PDE4D: variants seen among roughly 807,000 people sequenced by gnomAD.
PDE4D encodes the protein 3',5'-cyclic-AMP phosphodiesterase 4D.
Under a neutral mutation model 87.4 loss-of-function variants are expected in PDE4D, and 24 were observed. The observed-to-expected ratio is 0.27, with a 90% CI of 0.20 to 0.39. The LOEUF is 0.39. PDE4D is among the 10% of genes least tolerant of loss of function. The pLI is 1.00. For missense variants in PDE4D, 714 were observed against 1,041.0 expected, an observed-to-expected ratio of 0.69 and a Z score of 4.32; for synonymous variants, 384 against 383.2, an observed-to-expected ratio of 1.00 and a Z score of -0.02.
intron 1 of PDE4D, among the ~76,000 whole-genome samples, chr5:59,397,931 C>T (rs1299686511): frequency 8.3e-6 from 1 of 120,614 alleles, no homozygotes; most frequent in African/African-American, 3.3e-5. Context: ...TACAAACTAC[C>T]ATCAGAGAAT....
At chr5:60,315,450 G>C (rs1367093795) in intron 1 of PDE4D, among the ~76,000 whole-genome samples, 2 of 152,154 alleles carry the variant, frequency 1.3e-5, no homozygotes, top group African/African-American at 4.8e-5. Context: ...TGTTGACTCT[G>C]ATGGTAGTTT....
At position 59,356,945 on chromosome 5, in the gene PDE4D, T is replaced by C. The variant is rs1781476859; in HGVS notation, c.456-140977A>G. ...CCCCGCACGGAGCAGGAGGCACTTGTAGCTGAGTGAGGGCATTTCCTTTGT... is the reference window on the plus strand; with the variant it reads ...CCCCGCACGGAGCAGGAGGCACTTGCAGCTGAGTGAGGGCATTTCCTTTGT... On this transcript the variant is annotated intron_variant, in intron 1 of 14. Transcript: ENST00000340635. The C allele has an allele frequency of 3.6e-6, 5 of 1,381,362 alleles. No homozygotes were observed. In the South Asian group the frequency reaches 5.3e-5, roughly 15 times the overall value. 85.6% of individuals were successfully genotyped at this position (1,381,362 alleles called of 1,614,324 possible). A position where few individuals can be genotyped will look rare whatever the true frequency, so the allele number is the denominator to read the frequency against.
chr5:59,938,224 T>C (rs530217609), intron 3 of PDE4D, among the ~76,000 whole-genome samples: 1 of 152,286 alleles, frequency 6.6e-6, no homozygotes, highest in East Asian at 1.9e-4. Flanking sequence ...ATACCATCCT[T>C]CACTTTGTAT....
At chr5:60,401,955 TAAA>T (rs1741129385) in intron 1 of PDE4D, among the ~76,000 whole-genome samples, 6 of 152,204 alleles carry the variant, frequency 3.9e-5, no homozygotes, top group Admixed American at 2.6e-4. Flanking sequence ...CAATAAAATC[TAAA>T]TGTGAATACC....
In PDE4D at chr5:60,115,365, C is replaced by T. The variant is rs189905341; in HGVS notation, c.42+70192G>A. Among the ~76,000 whole-genome samples the T allele has an allele frequency of 2.6e-5, 4 of 152,134 alleles. No individual in the cohort carries two copies. In the East Asian group the frequency reaches 7.7e-4, roughly 29 times the overall value. Reference sequence around the variant, plus strand: ...ATGAGGTCTCTGAGTGAATCTGACACAGAAACACCTTCAGGGTGTCATGAA... The same window carrying T: ...ATGAGGTCTCTGAGTGAATCTGACATAGAAACACCTTCAGGGTGTCATGAA... On this transcript the variant is annotated intron_variant, in intron 2 of 16. Transcript: ENST00000502484.
intron 6 of PDE4D, among the ~76,000 whole-genome samples, chr5:59,036,899 A>C (rs1322816091): frequency 1.3e-5 from 2 of 152,176 alleles, no homozygotes; most frequent in African/African-American, 4.8e-5. Flanking sequence ...TTTTGAAAAA[A>C]TTATCTTCTC....
intron 5 of PDE4D, among the ~76,000 whole-genome samples, chr5:59,144,115 C>CT (rs1402389376): frequency 6.6e-6 from 1 of 152,174 alleles, no homozygotes; most frequent in African/African-American, 2.4e-5. Flanking sequence ...GGAGCAACAT[C>CT]TTTTATGACT....
At chr5:59,687,919 C>A (rs1750191419) in intron 1 of PDE4D, among the ~76,000 whole-genome samples, 2 of 152,114 alleles carry the variant, frequency 1.3e-5, no homozygotes, top group African/African-American at 4.8e-5. Context: ...GGTTGCAATC[C>A]TAGTCTCTGA....
intron 1 of PDE4D, among the ~76,000 whole-genome samples, chr5:59,319,354 CT>C (rs1477435722): frequency 1.3e-5 from 2 of 152,060 alleles, no homozygotes; most frequent in African/African-American, 4.8e-5. Flanking sequence ...TGGTATAATA[CT>C]TTTAAAGCAA....
chr5:59,093,640 T>C (rs1228256985), intron 5 of PDE4D, among the ~76,000 whole-genome samples: 13 of 152,210 alleles, frequency 8.5e-5, no homozygotes, highest in Admixed American at 8.5e-4. Context: ...TGACGAGCCC[T>C]ATCCATGATC....
At chr5:59,690,041 C>T (rs1365676111) in intron 1 of PDE4D, among the ~76,000 whole-genome samples, 1 of 152,124 alleles carries the variant, frequency 6.6e-6, no homozygotes, top group African/African-American at 2.4e-5. Context: ...AGGAGAATTA[C>T]AAACCACTGC....
Position 60,383,255 on chromosome 5 carries a change from C to T in PDE4D, c.-90+104687G>A, listed in dbSNP as rs541025036. Among the ~76,000 whole-genome samples, 24 of 152,168 alleles carry T rather than the reference C, an allele frequency of 1.6e-4. 1 individual carries two copies. Among genetic ancestry groups the T allele is most frequent in the African/African-American group, 5.8e-4 (24 of 41,528 alleles). On this transcript the variant is annotated intron_variant, in intron 1 of 16. Transcript: ENST00000502484. ...AAACAGGGCAAAAAAATGAAAAACA[C>T]TTGGAATTTTTCCAACCATAAGTAT...
intron 1 of PDE4D, among the ~76,000 whole-genome samples, chr5:60,196,138 G>T (rs182538675): frequency 6.6e-6 from 1 of 151,610 alleles, no homozygotes; most frequent in East Asian, 1.9e-4. Flanking sequence ...ATATCATTTG[G>T]CTCCCCAAAT....
At chr5:59,249,640 T>A (rs1759532020) in intron 1 of PDE4D, among the ~76,000 whole-genome samples, 1 of 152,014 alleles carries the variant, frequency 6.6e-6, no homozygotes, top group African/African-American at 2.4e-5. Context: ...TAATGTTAAG[T>A]GATATGGAAA....
chr5:59,335,053 T>C (rs1777429745), intron 1 of PDE4D, among the ~76,000 whole-genome samples: 1 of 152,168 alleles, frequency 6.6e-6, no homozygotes, highest in Non-Finnish European at 1.5e-5. Flanking sequence ...GGTTCTCTCC[T>C]TTCCTGGGAT....
chr5:60,221,609 A>C (rs6882437), intron 1 of PDE4D, among the ~76,000 whole-genome samples: 81,117 of 151,900 alleles, frequency 0.53, 22,375 homozygotes, highest in African/African-American at 0.65. Context: ...CACTCCCAGT[A>C]AATCTGCCTA....
intron 1 of PDE4D, among the ~76,000 whole-genome samples, chr5:59,352,708 G>C (rs1465516104): frequency 6.6e-6 from 1 of 152,042 alleles, no homozygotes; most frequent in Admixed American, 6.6e-5. Context: ...CTTCTTGTTT[G>C]GGCAAATATT....
rs1397731011 is a variant in PDE4D at position 59,732,665 on chromosome 5, T to C, written c.455+160503A>G. The stretch of plus-strand genomic sequence containing the variant: ...CCTTATTAAATGGAAATGATCAGTA[T>C]GAGCTTTCAGATTTAGGCAAGACAG... On this transcript the variant is annotated intron_variant, in intron 1 of 14. Transcript: ENST00000340635. Among the ~76,000 whole-genome samples, 3 of 152,202 alleles carry C rather than the reference T, an allele frequency of 2.0e-5. No homozygotes were observed. In the East Asian group the frequency reaches 5.8e-4, roughly 29 times the overall value.
chr5:59,721,917 C>A (rs1276728790), intron 1 of PDE4D, among the ~76,000 whole-genome samples: 5 of 152,172 alleles, frequency 3.3e-5, no homozygotes, highest in Non-Finnish European at 5.9e-5. Flanking sequence ...AGAGGCGCAT[C>A]CATGGGTGCA....
Sources: allele counts gnomAD v4.1 joint callset (sites outside exome capture counted in the v4.1 genomes callset), GRCh38; gene constraint gnomAD v4.1.1; transcripts MANE v1.5; gene names NCBI Gene and HGNC (gene_info 2026-07-23, HGNC 2026-07-21).